CEP126: variants seen among roughly 807,000 people sequenced by gnomAD.
CEP126 encodes the protein centrosomal protein of 126 kDa.
In CEP126, 74 loss-of-function variants were observed where a neutral mutation model predicts 107.8. That is an observed-to-expected ratio of 0.69 (90% CI 0.57 to 0.83). The LOEUF (loss-of-function observed/expected upper bound fraction) is 0.83, where lower values mean the gene tolerates loss of function less well. Ranked by LOEUF, CEP126 falls within the 40% of genes least tolerant of loss-of-function variation. CEP126 has a pLI of 0.00. For missense variants in CEP126, 1,237 were observed against 1,281.9 expected (o/e 0.96, Z 0.53); for synonymous variants, 449 against 446.0 (o/e 1.01, Z -0.08).
At chr11:101,953,857 A>G (rs2137104044) in intron 4 of CEP126, among the ~76,000 whole-genome samples, 1 of 152,240 alleles carries the variant, frequency 6.6e-6, no homozygotes, top group East Asian at 1.9e-4. Flanking sequence ...AAAAGAGATG[A>G]CAAACAATTA....
chr11:101,990,058 T>C (rs976432228), intron 9 of CEP126, among the ~76,000 whole-genome samples: 1 of 152,212 alleles, frequency 6.6e-6, no homozygotes, highest in Non-Finnish European at 1.5e-5. Flanking sequence ...TCAGGTTCCA[T>C]ACAAGCTGAT....
intron 3 of CEP126, among the ~76,000 whole-genome samples, chr11:101,946,817 G>A (rs1250190552): frequency 4.0e-5 from 6 of 149,576 alleles, no homozygotes; most frequent in Non-Finnish European, 6.0e-5. Flanking sequence ...AGCAGAGGTC[G>A]CACCACTGCA....
rs540296632 is a variant in CEP126 at position 101,974,473 on chromosome 11, A to C, written c.2846-3874A>C. On this transcript the variant is annotated intron_variant, in intron 6 of 10. Coordinates refer to ENST00000263468, the MANE Select transcript of CEP126 (RefSeq NM_020802.4). ...ATTGCAGAGAGGTTTTCAGCTCAGC[A>C]TAAGGAAGGATTTGAGCTATCCAGC... Among the ~76,000 whole-genome samples the C allele has an allele frequency of 3.3e-5, 5 of 152,304 alleles. No individual in the cohort carries two copies. In the South Asian group the frequency reaches 6.2e-4, roughly 19 times the overall value.
intron 6 of CEP126, among the ~76,000 whole-genome samples, chr11:101,973,048 A>G (rs1357020633): frequency 6.6e-6 from 1 of 152,164 alleles, no homozygotes; most frequent in Admixed American, 6.5e-5. Flanking sequence ...CAATGTTTTC[A>G]TTCTCCTATC....
At chr11:101,956,894 GTAGAGAAGAAAGGAA>G (rs1322015775) in intron 4 of CEP126, 2 of 364,108 alleles carry the variant, frequency 5.5e-6, no homozygotes, top group Admixed American at 7.6e-5. Flanking sequence ...AGAAAGTGGA[GTAGAGAAGAAAGGAA>G]TAGAGAAGAA....
Position 101,981,896 on chromosome 11 carries a change from G to C in CEP126, c.2966G>C (p.Gly989Ala), listed in dbSNP as rs1379000707. Residue 989 changes from glycine to alanine, a missense_variant, in exon 8 of 11, where the codon GGA becomes GCA. Physicochemically the swap from Gly to Ala is moderately conservative, Grantham distance 60. Coordinates refer to ENST00000263468, the MANE Select transcript of CEP126 (RefSeq NM_020802.4). Reference sequence around the variant, plus strand: ...AATATTCTATTTTTGTAGAATTTTGGACAAAGTGTCCTGCTAAGTTCAAGT... The same window carrying C: ...AATATTCTATTTTTGTAGAATTTTGCACAAAGTGTCCTGCTAAGTTCAAGT... ...QKYSEQINNF[G>A]QSVLLSSSEP... The C allele has an allele frequency of 3.2e-6, 5 of 1,573,908 alleles. No homozygotes were observed. Among genetic ancestry groups the C allele is most frequent in the Non-Finnish European group, 3.5e-6 (4 of 1,154,120 alleles).
chr11:101,955,562 A>G (rs751330374), intron 4 of CEP126, among the ~76,000 whole-genome samples: 10 of 151,008 alleles, frequency 6.6e-5, no homozygotes, highest in Non-Finnish European at 5.9e-5. Flanking sequence ...CTGAGAAGTG[A>G]AAATACTCTA....
At chr11:101,961,536 A>T (rs1265467316) in intron 5 of CEP126, among the ~76,000 whole-genome samples, 2 of 152,054 alleles carry the variant, frequency 1.3e-5, no homozygotes, top group Non-Finnish European at 2.9e-5. Flanking sequence ...AAGCAAGCAT[A>T]CTATACTATA....
intron 3 of CEP126, among the ~76,000 whole-genome samples, chr11:101,945,264 G>A (rs909371999): frequency 1.3e-5 from 2 of 152,036 alleles, no homozygotes; most frequent in African/African-American, 4.8e-5. Flanking sequence ...ATATTGCAAA[G>A]CAAACAGAAA....
At chr11:101,983,102 A>AT (rs1378129569) in intron 8 of CEP126, among the ~76,000 whole-genome samples, 6 of 152,238 alleles carry the variant, frequency 3.9e-5, no homozygotes, top group Non-Finnish European at 8.8e-5. Context: ...TACTCACTGT[A>AT]TTTTTTTGCT....
In CEP126 at chr11:101,998,588, G is replaced by A. The variant is rs1941469874; in HGVS notation, c.*945G>A. 2 of 9,820 alleles carry A rather than the reference G, an allele frequency of 2.0e-4. No homozygotes were observed. Among genetic ancestry groups the A allele is most frequent in the African/African-American group, 1.5e-3 (1 of 654 alleles). 0.6% of individuals were successfully genotyped at this position (9,820 alleles called of 1,614,324 possible). A position where few individuals can be genotyped will look rare whatever the true frequency, so the allele number is the denominator to read the frequency against. ...AGCCTGGGTGACAGTGTGAGACCCAGCCTCAAAAAAAAAAAAAAAAAAGTG... is the reference window on the plus strand; with the variant it reads ...AGCCTGGGTGACAGTGTGAGACCCAACCTCAAAAAAAAAAAAAAAAAAGTG... On this transcript the variant is annotated 3_prime_UTR_variant, in exon 11 of 11. Coordinates refer to ENST00000263468, the MANE Select transcript of CEP126 (RefSeq NM_020802.4).
rs1418184528 is a variant in CEP126 at position 101,963,483 on chromosome 11, A to G, written c.2448A>G (p.Ile816Met). The G allele has an allele frequency of 6.2e-7, 1 of 1,614,148 alleles. No individual in the cohort carries two copies. The highest frequency in any genetic ancestry group is 1.3e-5 in the African/African-American group (1 of 75,054). The change falls in exon 6 of 11, where the codon ATA becomes ATG. Residue 816 changes from isoleucine (I) to methionine (M), a missense_variant. Physicochemically the swap from Ile to Met is conservative, Grantham distance 10. Coordinates refer to ENST00000263468, the MANE Select transcript of CEP126 (RefSeq NM_020802.4). ...STSNIRSGKNIQVSQCQPVTP... is the reference protein window; with the variant it reads ...STSNIRSGKNMQVSQCQPVTP... Reference sequence around the variant, plus strand: ...CAAATATTAGAAGTGGTAAAAATATACAAGTGTCTCAGTGTCAACCAGTAA... The same window carrying G: ...CAAATATTAGAAGTGGTAAAAATATGCAAGTGTCTCAGTGTCAACCAGTAA...
rs575879064 is a variant in CEP126, at chr11:101,927,251, G to A, written c.248+4491G>A. Among the ~76,000 whole-genome samples the A allele has an allele frequency of 1.1e-4, 16 of 152,208 alleles. No homozygotes were observed. In the South Asian group the frequency reaches 1.2e-3, roughly 12 times the overall value. ...TGGGAGGCAAAGGTTGTGGTGAGCCGAGATCATGCCACAGCACTCCAGCCT... is the reference window on the plus strand; with the variant it reads ...TGGGAGGCAAAGGTTGTGGTGAGCCAAGATCATGCCACAGCACTCCAGCCT... On this transcript the variant is annotated intron_variant, in intron 2 of 10. Coordinates refer to ENST00000263468, the MANE Select transcript of CEP126 (RefSeq NM_020802.4).
intron 4 of CEP126, among the ~76,000 whole-genome samples, chr11:101,951,057 G>A (rs908502671): frequency 6.6e-6 from 1 of 152,178 alleles, no homozygotes; most frequent in African/African-American, 2.4e-5. Context: ...GTACTATTTT[G>A]TATAGTGAAG....
chr11:101,973,139 C>T (rs370751084), intron 6 of CEP126, among the ~76,000 whole-genome samples: 6 of 152,328 alleles, frequency 3.9e-5, no homozygotes, highest in South Asian at 2.1e-4. Context: ...TACTGATGCA[C>T]ATGTTGCTGA....
At chr11:101,931,950 C>G (rs184445719) in intron 2 of CEP126, among the ~76,000 whole-genome samples, 2 of 152,262 alleles carry the variant, frequency 1.3e-5, no homozygotes, top group East Asian at 3.9e-4. Flanking sequence ...CACATTGAGC[C>G]AAGGTGCTCT....
chr11:101,917,315 A>G (rs1475006513), intron 1 of CEP126, among the ~76,000 whole-genome samples: 1 of 152,122 alleles, frequency 6.6e-6, no homozygotes, highest in Non-Finnish European at 1.5e-5. Flanking sequence ...GTAGGTGCTC[A>G]AATTTACATG....
chr11:101,987,052 A>G lies in CEP126; in HGVS notation c.3244+11A>G, dbSNP rs746146758. On this transcript the variant is annotated intron_variant, in intron 9 of 10. Coordinates refer to ENST00000263468, the MANE Select transcript of CEP126 (RefSeq NM_020802.4). The stretch of plus-strand genomic sequence containing the variant: ...GTGAAAGACTACATTGTAAGTATGG[A>G]AGAACACCTTTTATAAGAAATACTG... 1.9e-5 allele frequency: 28 copies of G among 1,510,916 alleles called. 1 individual carries two copies. In the South Asian group the frequency reaches 3.2e-4, roughly 17 times the overall value. The allele number at this position is 1,510,916 out of a possible 1,614,324, so 93.6% of individuals were successfully genotyped here.
chr11:101,961,018 T>A (rs1940962108), intron 5 of CEP126, among the ~76,000 whole-genome samples: 1 of 152,196 alleles, frequency 6.6e-6, no homozygotes, highest in Non-Finnish European at 1.5e-5. Context: ...TTCAGTGAAA[T>A]AGTGATGTAA....
Sources: allele counts gnomAD v4.1 joint callset (sites outside exome capture counted in the v4.1 genomes callset), GRCh38; gene constraint gnomAD v4.1.1; transcripts MANE v1.5; gene names NCBI Gene and HGNC (gene_info 2026-07-23, HGNC 2026-07-21).